LINGO2: variants seen among roughly 807,000 people sequenced by gnomAD.
LINGO2 encodes leucine-rich repeat and immunoglobulin-like domain-containing nogo receptor-interacting protein 2.
LINGO2 carries 14 observed loss-of-function variants against 30.6 expected under a neutral mutation model. That is an observed-to-expected ratio of 0.46 (90% CI 0.30 to 0.72). The LOEUF is 0.72. Ranked by LOEUF, LINGO2 falls within the 30% of genes least tolerant of loss-of-function variation. The pLI, the probability that LINGO2 is intolerant of heterozygous loss-of-function variation, is 0.07. For missense variants in LINGO2, 729 were observed against 751.7 expected, an observed-to-expected ratio of 0.97 and a Z score of 0.35; for synonymous variants, 317 against 288.5, an observed-to-expected ratio of 1.10 and a Z score of -1.00.
At chr9:28,890,192 G>A in the LINGO2 span, among the ~76,000 whole-genome samples, 1 of 71,748 alleles carries the variant, frequency 1.4e-5, no homozygotes, top group Non-Finnish European at 2.9e-5. Flanking sequence ...AGGTTTTCTT[G>A]GTTTTTTGTT....
At chr9:28,572,895 C>T (rs1379237274) in intron 1 of LINGO2, among the ~76,000 whole-genome samples, 2 of 152,032 alleles carry the variant, frequency 1.3e-5, no homozygotes, top group African/African-American at 4.8e-5. Context: ...TTGAGATGTC[C>T]TTCAAAGTAA....
At chr9:28,296,139 G>A (rs1373654155) in intron 3 of LINGO2, among the ~76,000 whole-genome samples, 1 of 152,058 alleles carries the variant, frequency 6.6e-6, no homozygotes, top group Admixed American at 6.6e-5. Context: ...AATAAATATG[G>A]CATTTAAACT....
intron 1 of LINGO2, among the ~76,000 whole-genome samples, chr9:28,526,055 CAAAAA>C (rs58629857): frequency 1.0e-4 from 5 of 48,516 alleles, no homozygotes; most frequent in African/African-American, 4.1e-4. Flanking sequence ...GACTCCGTCT[CAAAAA>C]AAAAAAAAAA....
At chr9:28,943,492 A>C in the LINGO2 span, among the ~76,000 whole-genome samples, 1 of 152,276 alleles carries the variant, frequency 6.6e-6, no homozygotes, top group Non-Finnish European at 1.5e-5. Flanking sequence ...TTATCTTGGG[A>C]GAAGCTTTAA....
the LINGO2 span, among the ~76,000 whole-genome samples, chr9:29,138,717 A>C: frequency 6.6e-6 from 1 of 152,166 alleles, no homozygotes; most frequent in African/African-American, 2.4e-5. Context: ...TTGCATAGGA[A>C]CAGTGTAGGC....
chr9:29,186,031 C>A, the LINGO2 span, among the ~76,000 whole-genome samples: 2 of 151,522 alleles, frequency 1.3e-5, no homozygotes, highest in African/African-American at 4.8e-5. Context: ...CTTTTTTTTT[C>A]ACCCACCTTT....
chr9:28,340,822 T>C (rs2134388262), intron 3 of LINGO2, among the ~76,000 whole-genome samples: 1 of 152,202 alleles, frequency 6.6e-6, no homozygotes. Flanking sequence ...GAAAAACTTG[T>C]TATTAGGTTA....
chr9:28,749,699 T>C, the LINGO2 span, among the ~76,000 whole-genome samples: 5 of 152,050 alleles, frequency 3.3e-5, no homozygotes, highest in Admixed American at 6.6e-5. Context: ...AAATATACCG[T>C]GGAAGGTCCT....
intron 4 of LINGO2, among the ~76,000 whole-genome samples, chr9:28,179,409 GTATAC>G (rs1828841386): frequency 8.2e-6 from 1 of 122,396 alleles, no homozygotes; most frequent in Admixed American, 8.7e-5. Flanking sequence ...ATAGTATATA[GTATAC>G]TATATGTATG....
chr9:28,596,088 T>C (rs1010643522), intron 1 of LINGO2, among the ~76,000 whole-genome samples: 2 of 152,200 alleles, frequency 1.3e-5, no homozygotes, highest in African/African-American at 4.8e-5. Flanking sequence ...ACTGTAACTT[T>C]TGGTAAGGTC....
At chr9:28,908,711 A>G in the LINGO2 span, among the ~76,000 whole-genome samples, 1 of 151,866 alleles carries the variant, frequency 6.6e-6, no homozygotes, top group East Asian at 1.9e-4. Context: ...ATGCACAAGA[A>G]AAGGTTTTTT....
the LINGO2 span, among the ~76,000 whole-genome samples, chr9:28,955,013 A>G: frequency 1.3e-5 from 2 of 152,308 alleles, no homozygotes; most frequent in East Asian, 1.9e-4. Context: ...GGGAATTGGC[A>G]AAAGAGGGAC....
At chr9:28,967,173 G>A in the LINGO2 span, among the ~76,000 whole-genome samples, 1 of 152,188 alleles carries the variant, frequency 6.6e-6, no homozygotes, top group South Asian at 2.1e-4. Flanking sequence ...TACTTGCCTT[G>A]TTTGTTATCT....
intron 3 of LINGO2, among the ~76,000 whole-genome samples, chr9:28,350,785 T>C (rs1202681036): frequency 3.3e-5 from 5 of 150,346 alleles, no homozygotes; most frequent in African/African-American, 4.9e-5. Context: ...AGAACAGAAA[T>C]TATAACAAAC....
At chr9:28,902,563 T>A in the LINGO2 span, among the ~76,000 whole-genome samples, 1 of 152,122 alleles carries the variant, frequency 6.6e-6, no homozygotes, top group African/African-American at 2.4e-5. Flanking sequence ...GAGCATTCTA[T>A]CCAATAGCAG....
chr9:28,517,499 A>G (rs1218996985), intron 1 of LINGO2, among the ~76,000 whole-genome samples: 1 of 152,288 alleles, frequency 6.6e-6, no homozygotes, highest in Admixed American at 6.5e-5. Flanking sequence ...GGAAGACACT[A>G]TTAGGAAAAA....
the LINGO2 span, among the ~76,000 whole-genome samples, chr9:28,854,486 T>C: frequency 1.3e-5 from 2 of 151,966 alleles, no homozygotes; most frequent in East Asian, 1.9e-4. Flanking sequence ...AGCTTATACA[T>C]TGAAAACAGA....
At chr9:29,102,167 C>A in the LINGO2 span, among the ~76,000 whole-genome samples, 2 of 151,924 alleles carry the variant, frequency 1.3e-5, no homozygotes, top group South Asian at 2.1e-4. Context: ...CTACAAGCTC[C>A]GCCTCCGGGG....
the LINGO2 span, among the ~76,000 whole-genome samples, chr9:28,774,645 C>T: frequency 6.6e-6 from 1 of 151,782 alleles, no homozygotes; most frequent in Non-Finnish European, 1.5e-5. Flanking sequence ...TCGCTAAAAC[C>T]AGATTACAGA....
Sources: gnomAD v4.1 joint callset for allele counts (sites outside exome capture counted in the v4.1 genomes callset) on GRCh38, gnomAD v4.1.1 for gene constraint, MANE v1.5 for transcripts, NCBI Gene and HGNC (gene_info 2026-07-23, HGNC 2026-07-21) for gene names.